Variants in SLFN14 observed in about 807,000 individuals in gnomAD.
SLFN14 encodes the protein protein SLFN14.
A neutral mutation model predicts 58.6 loss-of-function variants in SLFN14; 47 were observed. That is an observed-to-expected ratio of 0.80 (90% CI 0.64 to 1.02). The LOEUF is 1.02. Among genes scored for constraint, SLFN14 ranks in the 50% least tolerant of loss-of-function variants. SLFN14 has a pLI of 0.00. For missense variants in SLFN14, 967 were observed against 1,078.4 expected, an observed-to-expected ratio of 0.90 and a Z score of 1.45; for synonymous variants, 390 against 387.3, an observed-to-expected ratio of 1.01 and a Z score of -0.08.
In SLFN14 at chr17:35,554,625, G is replaced by A; in HGVS notation, c.1140C>T (p.Pro380=). 6.5e-7 allele frequency: 1 copy of A among 1,535,016 alleles called. No homozygotes were observed. The highest frequency in any genetic ancestry group is 8.8e-7 in the Non-Finnish European group (1 of 1,138,758). The change falls in exon 4 of 6, where the codon CCC becomes CCT. Residue 380 remains proline (P), a synonymous_variant. Coordinates refer to ENST00000674182, the MANE Select transcript of SLFN14 (RefSeq NM_001129820.2). ...ASSARKSPGY[P]IKVHKFKEAL... ...CCTCCTTAAATTTGTGGACTTTTAT[G>A]GGATATCCGGGACTTTTTCGTGCAG...
At chr17:35,555,371 C>CAA (rs58849511) in intron 3 of SLFN14, among the ~76,000 whole-genome samples, 11 of 130,042 alleles carry the variant, frequency 8.5e-5, no homozygotes, top group African/African-American at 3.2e-4. Context: ...GACTCCGTCT[C>CAA]AAAAAAAAAA....
rs1186003972 is a variant in SLFN14, at chr17:35,556,479, C to CT, written c.1060+523dup. ...ACTCATTGCTGATGGCATACTGTAA[C>CT]TTTCCTTTAAAAGTTGCTTAGGCTG... On this transcript the variant is annotated intron_variant, in intron 3 of 5. Transcript: ENST00000674182. 7.7e-4 allele frequency among the ~76,000 whole-genome samples: 117 copies of CT among 152,286 alleles called. 1 individual carries two copies. The highest frequency in any genetic ancestry group is 2.8e-3 in the African/African-American group (115 of 41,558).
chr17:35,549,667 A>C (rs1476281741), intron 5 of SLFN14, among the ~76,000 whole-genome samples: 1 of 152,194 alleles, frequency 6.6e-6, no homozygotes, highest in Non-Finnish European at 1.5e-5. Context: ...TTTCCTTTAT[A>C]GTACGCTTTA....
At position 35,557,049 on chromosome 17, in the gene SLFN14, C is replaced by A; in HGVS notation, c.1014G>T (p.Arg338=). ...TGACCACCCACTGCTCAGCTGTCAG[C>A]CGTGTGACAGAATTGTCTTTCATGA... ...SWIMKDNSVT[R]LTAEQWVVMM... The change falls in exon 3 of 6, where the codon CGG becomes CGT. Residue 338 remains arginine, a synonymous_variant. Coordinates refer to ENST00000674182, the MANE Select transcript of SLFN14 (RefSeq NM_001129820.2). 6.4e-7 allele frequency: 1 copy of A among 1,551,662 alleles called. No homozygotes were observed. The highest frequency in any genetic ancestry group is 8.7e-7 in the Non-Finnish European group (1 of 1,146,988).
chr17:35,547,279 T>C lies in SLFN14; in HGVS notation c.*960A>G, dbSNP rs779209442. ...AAACTAATTTGTCTAGTCCTTGTGA[T>C]AGAAATATCTTTATTTTAGAAATTA... On this transcript the variant is annotated 3_prime_UTR_variant, in exon 6 of 6. Coordinates refer to ENST00000674182, the MANE Select transcript of SLFN14 (RefSeq NM_001129820.2). 1.1e-4 allele frequency among the ~76,000 whole-genome samples: 16 copies of C among 152,238 alleles called. No homozygotes were observed. The highest frequency in any genetic ancestry group is 1.9e-4 in the Non-Finnish European group (13 of 68,044).
intron 2 of SLFN14, among the ~76,000 whole-genome samples, chr17:35,558,820 G>T (rs2072677117): frequency 6.6e-6 from 1 of 152,134 alleles, no homozygotes; most frequent in South Asian, 2.1e-4. Flanking sequence ...GTGAGAAGAT[G>T]CTCTTATTTA....
chr17:35,547,466 T>C lies in SLFN14; in HGVS notation c.*773A>G, dbSNP rs2072543108. 1.3e-5 allele frequency among the ~76,000 whole-genome samples: 2 copies of C among 152,348 alleles called. No individual in the cohort carries two copies. The highest frequency in any genetic ancestry group is 2.9e-5 in the Non-Finnish European group (2 of 68,040). On this transcript the variant is annotated 3_prime_UTR_variant, in exon 6 of 6. Coordinates refer to ENST00000674182, the MANE Select transcript of SLFN14 (RefSeq NM_001129820.2). ...TACTGTAAGGCTATGTTCATATAAT[T>C]TGGCTTCCTATATTACTGTTGAGGG... is the stretch of plus-strand genomic sequence containing the variant.
chr17:35,558,021 C>T lies in SLFN14; in HGVS notation c.42G>A (p.Glu14=). The T allele has an allele frequency of 6.4e-7, 1 of 1,551,526 alleles. No homozygotes were observed. Among genetic ancestry groups the T allele is most frequent in the Non-Finnish European group, 8.7e-7 (1 of 1,146,990 alleles). Residue 14 remains glutamate (E), a synonymous_variant, in exon 3 of 6, where the codon GAG becomes GAA. Coordinates refer to ENST00000674182, the MANE Select transcript of SLFN14 (RefSeq NM_001129820.2). ...LKTDTEMPYP[E]VIVDVGRVIF... is the part of the protein sequence containing the mutation. ...TCACTCTGCCCACATCTACTATTAC[C>T]TCAGGATACGGCATTTCAGTATCAG...
chr17:35,554,625 G>T lies in SLFN14; in HGVS notation c.1140C>A (p.Pro380=). The change falls in exon 4 of 6, where the codon CCC becomes CCA. Residue 380 remains proline (P), a synonymous_variant. Transcript: ENST00000674182. Reference sequence around the variant, plus strand: ...CCTCCTTAAATTTGTGGACTTTTATGGGATATCCGGGACTTTTTCGTGCAG... The same window carrying T: ...CCTCCTTAAATTTGTGGACTTTTATTGGATATCCGGGACTTTTTCGTGCAG... The part of the protein sequence containing the change: ...ASSARKSPGY[P]IKVHKFKEAL... 1 of 1,535,014 alleles carries T rather than the reference G, an allele frequency of 6.5e-7. No individual in the cohort carries two copies. Among genetic ancestry groups the T allele is most frequent in the Admixed American group, 2.0e-5 (1 of 49,152 alleles).
intron 4 of SLFN14, among the ~76,000 whole-genome samples, chr17:35,553,819 A>G (rs1292560269): frequency 6.6e-6 from 1 of 152,060 alleles, no homozygotes; most frequent in Non-Finnish European, 1.5e-5. Context: ...TTGTATTTTT[A>G]GTAGAGACAG....
chr17:35,553,243 T>C lies in SLFN14; in HGVS notation c.1391A>G (p.Asn464Ser). The part of the protein sequence containing the change: ...VLCDALLIAV[N>S]SPVVLYTILI... ...GATTGTATAGAGTACCACGGGGCTGTTAACTGCTATCAGGAGAGCATCACA... is the reference window on the plus strand; with the variant it reads ...GATTGTATAGAGTACCACGGGGCTGCTAACTGCTATCAGGAGAGCATCACA... Residue 464 changes from asparagine to serine, a missense_variant, in exon 5 of 6, where the codon AAC (asparagine) becomes AGC (serine). Asn to Ser is a conservative substitution (Grantham distance 46, BLOSUM62 1). Coordinates refer to ENST00000674182, the MANE Select transcript of SLFN14 (RefSeq NM_001129820.2). 1 of 1,551,692 alleles carries C rather than the reference T, an allele frequency of 6.4e-7. No homozygotes were observed. Among genetic ancestry groups the C allele is most frequent in the Non-Finnish European group, 8.7e-7 (1 of 1,147,008 alleles).
At chr17:35,560,212 G>A (rs1011523687) in intron 1 of SLFN14, among the ~76,000 whole-genome samples, 1 of 152,194 alleles carries the variant, frequency 6.6e-6, no homozygotes, top group Non-Finnish European at 1.5e-5. Context: ...AAACCCTATG[G>A]TCTCGTGACT....
chr17:35,558,458 ATT>A (rs564865952), intron 2 of SLFN14, among the ~76,000 whole-genome samples: 1 of 141,730 alleles, frequency 7.1e-6, no homozygotes, highest in Non-Finnish European at 1.6e-5. Context: ...TGTTCTTGCT[ATT>A]TTTTTTTTTT....
At chr17:35,549,661 CT>C (rs761460646) in intron 5 of SLFN14, among the ~76,000 whole-genome samples, 31 of 152,176 alleles carry the variant, frequency 2.0e-4, no homozygotes, top group Non-Finnish European at 4.0e-4. Flanking sequence ...CTCAATTTTC[CT>C]TTATAGTACG....
Position 35,548,802 on chromosome 17 carries a change from T to A in SLFN14, c.2176A>T (p.Lys726Ter). ...CAGTGGATCCCACTGGTGATTGTTTTTCGAGGAAACTGAGCAGATGGAGGG... is the reference window on the plus strand; with the variant it reads ...CAGTGGATCCCACTGGTGATTGTTTATCGAGGAAACTGAGCAGATGGAGGG... ...LPPPSAQFPR[K>*]TITSGIHCAL... The change falls in exon 6 of 6, where the codon AAA becomes TAA. Residue 726 changes from lysine to a stop codon, truncating the protein, a stop_gained. Transcript: ENST00000674182. LOFTEE classifies it low-confidence loss of function (END_TRUNC). 6.4e-7 allele frequency: 1 copy of A among 1,551,758 alleles called. No homozygotes were observed. The highest frequency in any genetic ancestry group is 8.7e-7 in the Non-Finnish European group (1 of 1,146,998).
In SLFN14 at chr17:35,560,747, A is replaced by T. The variant is rs1446852374; in HGVS notation, c.-124+20T>A. Among the ~76,000 whole-genome samples the T allele has an allele frequency of 4.9e-5, 7 of 142,360 alleles. No individual in the cohort carries two copies. The highest frequency in any genetic ancestry group is 1.4e-4 in the Admixed American group (2 of 14,176). 93.4% of individuals were successfully genotyped at this position (142,360 alleles called of 152,430 possible). A position where few individuals can be genotyped will look rare whatever the true frequency, so the allele number is the denominator to read the frequency against. ...TTAGATAAATGAGATATTTTTAAGAATTTTTTTTTTTTTTTTTACCTATGC... is the reference window on the plus strand; with the variant it reads ...TTAGATAAATGAGATATTTTTAAGATTTTTTTTTTTTTTTTTTACCTATGC... On this transcript the variant is annotated intron_variant, in intron 1 of 5. Coordinates refer to ENST00000674182, the MANE Select transcript of SLFN14 (RefSeq NM_001129820.2).
chr17:35,545,168 A>G lies in SLFN14; in HGVS notation c.*3071T>C, dbSNP rs2072525037. On this transcript the variant is annotated 3_prime_UTR_variant, in exon 6 of 6. Coordinates refer to ENST00000674182, the MANE Select transcript of SLFN14 (RefSeq NM_001129820.2). ...CTTTATTGTTCCCTTATTCTTCATT[A>G]TTACAGTGTTAAAGATTATTCTCCA... Among the ~76,000 whole-genome samples, 2 of 152,208 alleles carry G rather than the reference A, an allele frequency of 1.3e-5. No homozygotes were observed. Among genetic ancestry groups the G allele is most frequent in the Admixed American group, 1.3e-4 (2 of 15,276 alleles).
rs1407787926 is a variant in SLFN14 at position 35,547,449 on chromosome 17, G to A, written c.*790C>T. ...AAATTACCAGCTTCCCTTACTGTAA[G>A]GCTATGTTCATATAATTTGGCTTCC... On this transcript the variant is annotated 3_prime_UTR_variant, in exon 6 of 6. Transcript: ENST00000674182. Among the ~76,000 whole-genome samples, 1 of 152,172 alleles carries A rather than the reference G, an allele frequency of 6.6e-6. No homozygotes were observed. Among genetic ancestry groups the A allele is most frequent in the Non-Finnish European group, 1.5e-5 (1 of 68,038 alleles).
Position 35,548,218 on chromosome 17 carries a change from C to G in SLFN14, c.*21G>C. 1 of 1,544,996 alleles carries G rather than the reference C, an allele frequency of 6.5e-7. No homozygotes were observed. The highest frequency in any genetic ancestry group is 8.7e-7 in the Non-Finnish European group (1 of 1,142,896). ...AAAGGACTCTGCTCTTCCTGTCTTC[C>G]TCTATTATTTGTAATAATTTTCAGT... On this transcript the variant is annotated 3_prime_UTR_variant, in exon 6 of 6. Transcript: ENST00000674182.
Sources: allele counts gnomAD v4.1 joint callset (sites outside exome capture counted in the v4.1 genomes callset), GRCh38; gene constraint gnomAD v4.1.1; transcripts MANE v1.5; gene names NCBI Gene and HGNC (gene_info 2026-07-23, HGNC 2026-07-21).